The following ITGB8 variants were observed in gnomAD, a reference collection of about 807,000 sequenced individuals.
ITGB8 encodes the protein integrin subunit beta 8.
Under a neutral mutation model 89.5 loss-of-function variants are expected in ITGB8, and 30 were observed. The ratio of observed to expected loss-of-function variants is 0.34; its 90% CI spans 0.25 to 0.45. The LOEUF (loss-of-function observed/expected upper bound fraction) is 0.45, where lower values mean the gene tolerates loss of function less well. Ranked by LOEUF, ITGB8 falls within the 20% of genes least tolerant of loss-of-function variation. ITGB8 has a pLI of 1.00. For synonymous variants in ITGB8, 335 were observed against 320.4 expected (o/e 1.05, Z -0.49); for missense variants, 836 against 933.3 (o/e 0.90, Z 1.36).
intron 8 of ITGB8, among the ~76,000 whole-genome samples, chr7:20,396,464 A>G (rs1787084676): frequency 6.6e-6 from 1 of 152,136 alleles, no homozygotes; most frequent in African/African-American, 2.4e-5. Flanking sequence ...ACTTGTTTAA[A>G]CTTTCATCTT....
At chr7:20,360,184 C>T (rs927918749) in intron 1 of ITGB8, among the ~76,000 whole-genome samples, 2 of 152,082 alleles carry the variant, frequency 1.3e-5, no homozygotes, top group Non-Finnish European at 2.9e-5. Context: ...AACAGATTTT[C>T]ACTTGTGAAT....
At chr7:20,341,075 T>G (rs1241314460) in intron 1 of ITGB8, among the ~76,000 whole-genome samples, 2 of 152,230 alleles carry the variant, frequency 1.3e-5, no homozygotes, top group Non-Finnish European at 2.9e-5. Flanking sequence ...CTGGCTGTTC[T>G]AGTTGGAAAC....
intron 1 of ITGB8, among the ~76,000 whole-genome samples, chr7:20,352,057 G>C (rs982681914): frequency 6.6e-6 from 1 of 152,200 alleles, no homozygotes; most frequent in African/African-American, 2.4e-5. Flanking sequence ...TCATAAACAG[G>C]ACAGTTGGAA....
chr7:20,340,851 G>T (rs940759190), intron 1 of ITGB8, among the ~76,000 whole-genome samples: 1 of 152,090 alleles, frequency 6.6e-6, no homozygotes, highest in African/African-American at 2.4e-5. Flanking sequence ...GTCAAACAAA[G>T]AAAATAATTA....
intron 3 of ITGB8, 93 bp downstream of exon 3, chr7:20,367,279 G>A: frequency 1.0e-6 from 1 of 976,026 alleles, no homozygotes; most frequent in African/African-American, 1.6e-5. Context: ...GTGGCAGGCA[G>A]TATTGTTCTT....
chr7:20,398,987 A>G lies in ITGB8; in HGVS notation c.1274A>G (p.Asn425Ser). 2 of 1,613,352 alleles carry G rather than the reference A, an allele frequency of 1.2e-6. No individual in the cohort carries two copies. Among genetic ancestry groups the G allele is most frequent in the East Asian group, 2.2e-5 (1 of 44,812 alleles). ...GMEGCRNVTS[N>S]DEVLFNVTVT... Reference sequence around the variant, plus strand: ...GAAGGATGCAGAAACGTGACGAGCAATGATGAAGTATGTGGGTGTGCATTT... The same window carrying G: ...GAAGGATGCAGAAACGTGACGAGCAGTGATGAAGTATGTGGGTGTGCATTT... The change falls in exon 9 of 14, where the codon AAT (asparagine) becomes AGT (serine). Residue 425 changes from asparagine (N) to serine (S), a missense_variant. By Grantham distance (46) the Asn-to-Ser change is conservative. Transcript: ENST00000222573.
intron 12 of ITGB8, among the ~76,000 whole-genome samples, chr7:20,408,170 A>C (rs1787620366): frequency 6.6e-6 from 1 of 152,138 alleles, no homozygotes; most frequent in Admixed American, 6.5e-5. Flanking sequence ...AACCAGAGGA[A>C]ATGACAGTCT....
chr7:20,393,034 C>T (rs1332719698), intron 7 of ITGB8, among the ~76,000 whole-genome samples: 1 of 152,188 alleles, frequency 6.6e-6, no homozygotes, highest in Non-Finnish European at 1.5e-5. Context: ...GGACAGTCAT[C>T]TTAATATGCC....
intron 1 of ITGB8, among the ~76,000 whole-genome samples, chr7:20,336,567 G>A (rs1784586119): frequency 6.6e-6 from 1 of 152,220 alleles, no homozygotes; most frequent in South Asian, 2.1e-4. Context: ...TATCTAGTAA[G>A]TAGGAGAGAT....
intron 4 of ITGB8, 24 bp from the exon 5 acceptor site, chr7:20,380,642 T>G: frequency 1.2e-6 from 2 of 1,601,888 alleles, no homozygotes; most frequent in Non-Finnish European, 1.7e-6. Context: ...AAATAAACTT[T>G]ACACTTCTTC....
At chr7:20,384,684 CCA>C (rs1368105446) in intron 6 of ITGB8, among the ~76,000 whole-genome samples, 1 of 152,168 alleles carries the variant, frequency 6.6e-6, no homozygotes, top group Admixed American at 6.5e-5. Context: ...CTTTACTTTG[CCA>C]CAGTCTGTCG....
chr7:20,382,464 A>G (rs1786438297), intron 6 of ITGB8, among the ~76,000 whole-genome samples: 1 of 152,234 alleles, frequency 6.6e-6, no homozygotes, highest in African/African-American at 2.4e-5. Flanking sequence ...TATTTAATAT[A>G]ATCACCTAGA....
intron 1 of ITGB8, among the ~76,000 whole-genome samples, chr7:20,354,714 A>T (rs1785231292): frequency 6.6e-6 from 1 of 152,230 alleles, no homozygotes. Flanking sequence ...CAGGATGGGC[A>T]TAAGGGGAAT....
At chr7:20,335,571 A>G (rs1374631419) in intron 1 of ITGB8, among the ~76,000 whole-genome samples, 1 of 152,228 alleles carries the variant, frequency 6.6e-6, no homozygotes, top group Admixed American at 6.5e-5. Flanking sequence ...ATTTAAAGCA[A>G]TATCCATATA....
At chr7:20,393,027 C>T (rs532447708) in intron 7 of ITGB8, among the ~76,000 whole-genome samples, 1 of 152,252 alleles carries the variant, frequency 6.6e-6, no homozygotes, top group African/African-American at 2.4e-5. Context: ...AAAATGAGGA[C>T]AGTCATCTTA....
chr7:20,386,543 C>T (rs1458483021), intron 6 of ITGB8, among the ~76,000 whole-genome samples: 1 of 151,270 alleles, frequency 6.6e-6, no homozygotes, highest in African/African-American at 2.4e-5. Context: ...CAGGCGTGAG[C>T]CACTGCGCCT....
At chr7:20,348,221 A>G (rs1411843040) in intron 1 of ITGB8, among the ~76,000 whole-genome samples, 1 of 152,214 alleles carries the variant, frequency 6.6e-6, no homozygotes, top group East Asian at 1.9e-4. Flanking sequence ...AAAACATATG[A>G]TGGAAAGTCA....
chr7:20,354,839 AG>A (rs969221573), intron 1 of ITGB8, among the ~76,000 whole-genome samples: 1 of 152,270 alleles, frequency 6.6e-6, no homozygotes, highest in Non-Finnish European at 1.5e-5. Context: ...TTACAAGAGA[AG>A]GTGGGAATTG....
rs1471278876 is a variant in ITGB8 at position 20,331,890 on chromosome 7, G to A, written c.84G>A (p.Trp28Ter). 1 of 1,614,158 alleles carries A rather than the reference G, an allele frequency of 6.2e-7. No individual in the cohort carries two copies. ...NDRRGPASFL[W>*]AAWVFSLVLG... ...GGCGAGGTCCCGCCTCGTTCCTCTG[G>A]GCAGCCTGGGTGTTTTCACTTGTTC... Residue 28 changes from tryptophan (W) to a stop codon, truncating the protein, a stop_gained, in exon 1 of 14, where the codon TGG (tryptophan) becomes TGA (stop). Transcript: ENST00000222573. LOFTEE classifies it high-confidence loss of function.
Sources: gnomAD v4.1 joint callset for allele counts (sites outside exome capture counted in the v4.1 genomes callset) on GRCh38, gnomAD v4.1.1 for gene constraint, MANE v1.5 for transcripts, NCBI Gene and HGNC (gene_info 2026-07-23, HGNC 2026-07-21) for gene names.